Variants in RRP7A observed in about 807,000 individuals in gnomAD.
RRP7A encodes ribosomal RNA-processing protein 7 homolog A.
In RRP7A, 27 loss-of-function variants were observed where a neutral mutation model predicts 38.4. That is an observed-to-expected ratio of 0.70 (90% CI 0.52 to 0.97). The LOEUF (loss-of-function observed/expected upper bound fraction) is 0.97, where lower values mean the gene tolerates loss of function less well. Among genes scored for constraint, RRP7A ranks in the 50% least tolerant of loss-of-function variants. The probability of loss-of-function intolerance (pLI) is 0.00; values close to 1 mark genes in which losing one functional copy is unlikely to be tolerated. For synonymous variants in RRP7A, 124 were observed against 150.3 expected (o/e 0.83, Z 1.28); for missense variants, 327 against 375.4 (o/e 0.87, Z 1.07).
rs1932477852 is a variant in RRP7A at position 42,511,945 on chromosome 22, G to T, written c.*965C>A. On this transcript the variant is annotated 3_prime_UTR_variant, in exon 7 of 7. Transcript: ENST00000323013. ...TCCCTAAGGTTAGACATCTCCTGGG[G>T]TGCTATGGACTGTCGGGGCTCCAAG... 1 of 682,832 alleles carries T rather than the reference G, an allele frequency of 1.5e-6. No homozygotes were observed. Among genetic ancestry groups the T allele is most frequent in the South Asian group, 1.7e-5 (1 of 57,908 alleles). The allele number at this position is 682,832 out of a possible 1,614,324, so 42.3% of individuals were successfully genotyped here. A position where few individuals can be genotyped will look rare whatever the true frequency, so the allele number is the denominator to read the frequency against.
rs1287797673 is a variant in RRP7A at position 42,509,118 on chromosome 22, T to C, written c.*3792A>G. ...CCATGTCCTGTTGATCAAGTGAGTC[T>C]GGACCCATCCCCTTCAGTCACCCCC... On this transcript the variant is annotated 3_prime_UTR_variant, in exon 7 of 7. Coordinates refer to ENST00000323013, the MANE Select transcript of RRP7A (RefSeq NM_015703.5). The C allele has an allele frequency of 6.2e-7, 1 of 1,614,034 alleles. No homozygotes were observed. The highest frequency in any genetic ancestry group is 1.3e-5 in the African/African-American group (1 of 74,932).
chr22:42,509,316 ATGGGCCGGGGC>A lies in RRP7A; in HGVS notation c.*3583_*3593del, dbSNP rs1361256092. On this transcript the variant is annotated 3_prime_UTR_variant, in exon 7 of 7. Transcript: ENST00000323013. ...GAGGGGAGGGCTCAGGCAGCAGGGG[ATGGGCCGGGGC>A]TGTCCCATGCCTTTCCACAGGTGTC... Among the ~76,000 whole-genome samples, 1 of 150,210 alleles carries A rather than the reference ATGGGCCGGGGC, an allele frequency of 6.7e-6. No individual in the cohort carries two copies. The highest frequency in any genetic ancestry group is 1.5e-5 in the Non-Finnish European group (1 of 67,170).
chr22:42,515,964 T>G, intron 3 of RRP7A, 47 bp downstream of exon 3: 3 of 1,548,382 alleles, frequency 1.9e-6, no homozygotes, highest in Non-Finnish European at 2.6e-6. Context: ...CTGGGGACAG[T>G]GCCCCACCCC....
In RRP7A at chr22:42,509,777, T is replaced by C. The variant is rs1257231332; in HGVS notation, c.*3133A>G. ...GGCTGCATTCACGTTCAAGTCCAAA[T>C]AGGACACACGGCAGAGACAAAGCCA... On this transcript the variant is annotated 3_prime_UTR_variant, in exon 7 of 7. Transcript: ENST00000323013. Among the ~76,000 whole-genome samples the C allele has an allele frequency of 8.7e-6, 1 of 115,340 alleles. No homozygotes were observed. The allele number at this position is 115,340 out of a possible 152,430, so 75.7% of individuals were successfully genotyped here. A position where few individuals can be genotyped will look rare whatever the true frequency, so the allele number is the denominator to read the frequency against.
chr22:42,511,295 G>C lies in RRP7A; in HGVS notation c.*1615C>G, dbSNP rs957868828. On this transcript the variant is annotated 3_prime_UTR_variant, in exon 7 of 7. Coordinates refer to ENST00000323013, the MANE Select transcript of RRP7A (RefSeq NM_015703.5). ...GGGTTCAAGCGACTCTCGTGCCTCA[G>C]CCTCCTGAGTAGCTGGGATTACAGG... The C allele has an allele frequency of 2.0e-5, 3 of 152,200 alleles. No individual in the cohort carries two copies. The highest frequency in any genetic ancestry group is 4.4e-5 in the Non-Finnish European group (3 of 68,178). The allele number at this position is 152,200 out of a possible 1,614,324, so 9.4% of individuals were successfully genotyped here.
chr22:42,516,691 G>C (rs1166511477), intron 2 of RRP7A, among the ~76,000 whole-genome samples: 6 of 152,240 alleles, frequency 3.9e-5, no homozygotes, highest in Non-Finnish European at 4.4e-5. Flanking sequence ...TTTACTACCT[G>C]AATCAGCAGT....
intron 1 of RRP7A, chr22:42,518,710 T>C (rs1381776905): frequency 6.4e-6 from 3 of 470,828 alleles, no homozygotes; most frequent in African/African-American, 6.0e-5. Flanking sequence ...CTTCACAGCT[T>C]CTCTTAACAG....
At chr22:42,519,303 G>A (rs535339409) in intron 1 of RRP7A, among the ~76,000 whole-genome samples, 44 of 151,438 alleles carry the variant, frequency 2.9e-4, no homozygotes, top group African/African-American at 8.0e-4. Flanking sequence ...ACAGAAGCAG[G>A]GGCAAGAGGA....
rs540218886 is a variant in RRP7A at position 42,511,254 on chromosome 22, G to A, written c.*1656C>T. Reference sequence around the variant, plus strand: ...TGCAGTGGGAAGATCTCAGCTTACTGTAACCTCCACCTCCCGGGTTCAAGC... The same window carrying A: ...TGCAGTGGGAAGATCTCAGCTTACTATAACCTCCACCTCCCGGGTTCAAGC... On this transcript the variant is annotated 3_prime_UTR_variant, in exon 7 of 7. Transcript: ENST00000323013. 1.3e-5 allele frequency: 2 copies of A among 151,572 alleles called. No individual in the cohort carries two copies. Among genetic ancestry groups the A allele is most frequent in the East Asian group, 1.9e-4 (1 of 5,152 alleles). 9.4% of individuals were successfully genotyped at this position (151,572 alleles called of 1,614,324 possible).
chr22:42,511,865 C>T lies in RRP7A; in HGVS notation c.*1045G>A. On this transcript the variant is annotated 3_prime_UTR_variant, in exon 7 of 7. Transcript: ENST00000323013. The stretch of plus-strand genomic sequence containing the variant: ...AACCCTGGCCTCGGCCCTGCCCTGT[C>T]CCTGCCATGCAACTTCACAACTCAG... 1.8e-6 allele frequency: 1 copy of T among 555,646 alleles called. No individual in the cohort carries two copies. Among genetic ancestry groups the T allele is most frequent in the Admixed American group, 3.2e-5 (1 of 31,566 alleles). The allele number at this position is 555,646 out of a possible 1,614,324, so 34.4% of individuals were successfully genotyped here. A position where few individuals can be genotyped will look rare whatever the true frequency, so the allele number is the denominator to read the frequency against.
intron 2 of RRP7A, among the ~76,000 whole-genome samples, chr22:42,516,736 T>G (rs886781138): frequency 9.2e-5 from 14 of 152,328 alleles, no homozygotes; most frequent in Non-Finnish European, 1.9e-4. Flanking sequence ...GGATGGTGGT[T>G]GTCTGTGGTG....
At position 42,508,914 on chromosome 22, in the gene RRP7A, T is replaced by G. The variant is rs538050496; in HGVS notation, c.*3996A>C. ...TGGGGTCCTGGGCTCAGACCCAGGG[T>G]GGGTGGCTAAGGTGCCCTCGCCAGG... On this transcript the variant is annotated 3_prime_UTR_variant, in exon 7 of 7. Transcript: ENST00000323013. 2.7e-4 allele frequency: 387 copies of G among 1,443,970 alleles called. 2 individuals are homozygous for G. In the East Asian group the frequency reaches 7.4e-3, roughly 28 times the overall value. The allele number at this position is 1,443,970 out of a possible 1,614,324, so 89.4% of individuals were successfully genotyped here.
rs1266090267 is a variant in RRP7A, at chr22:42,509,111, G to A, written c.*3799C>T. On this transcript the variant is annotated 3_prime_UTR_variant, in exon 7 of 7. Transcript: ENST00000323013. ...TGCAGGCCCATGTCCTGTTGATCAA[G>A]TGAGTCTGGACCCATCCCCTTCAGT... 9.3e-6 allele frequency: 15 copies of A among 1,614,048 alleles called. No individual in the cohort carries two copies. The highest frequency in any genetic ancestry group is 4.0e-5 in the African/African-American group (3 of 74,930).
In RRP7A at chr22:42,518,131, G is replaced by C. The variant is rs752282886; in HGVS notation, c.90C>G (p.Phe30Leu). The C allele has an allele frequency of 9.3e-6, 15 of 1,613,062 alleles. No homozygotes were observed. The highest frequency in any genetic ancestry group is 1.8e-4 in the Middle Eastern group (1 of 5,640). The change falls in exon 2 of 7, where the codon TTC (phenylalanine) becomes TTG (leucine). Residue 30 changes from phenylalanine to leucine, a missense_variant. Physicochemically the swap from Phe to Leu is conservative, Grantham distance 22. This residue lies in a region of RRP7A where 183 missense variants were observed against 141.8 expected (regional missense o/e 1.29). Transcript: ENST00000323013. ...AGTGAGAAGCCTGTTGCTTTTCAGAGAACTTGATTGGAATAGCTGGAAAGG... is the reference window on the plus strand; with the variant it reads ...AGTGAGAAGCCTGTTGCTTTTCAGACAACTTGATTGGAATAGCTGGAAAGG... Reference protein sequence around the residue: ...PLGYAAIPIKFSEKQQASHYL... With the variant: ...PLGYAAIPIKLSEKQQASHYL...
rs140866757 is a variant in RRP7A, at chr22:42,514,123, C to T, written c.740G>A (p.Arg247Gln). The T allele has an allele frequency of 1.1e-5, 17 of 1,612,884 alleles. No homozygotes were observed. The highest frequency in any genetic ancestry group is 7.7e-5 in the South Asian group (7 of 90,912). Residue 247 changes from arginine to glutamine, a missense_variant, in exon 6 of 7, where the codon CGA becomes CAA. By Grantham distance (43) the Arg-to-Gln change is conservative (BLOSUM62 1). Coordinates refer to ENST00000323013, the MANE Select transcript of RRP7A (RefSeq NM_015703.5). The part of the protein sequence containing the change: ...ELLNFYAWQH[R>Q]ESKMEHLAQL... ...TGGCTTACGCTCCATCTTGCTCTCT[C>T]GATGCTGCCAGGCGTAGAAGTTGAG...
chr22:42,512,865 C>T lies in RRP7A; in HGVS notation c.*45G>A. On this transcript the variant is annotated 3_prime_UTR_variant, in exon 7 of 7. Coordinates refer to ENST00000323013, the MANE Select transcript of RRP7A (RefSeq NM_015703.5). Reference sequence around the variant, plus strand: ...GACCGCTGCAGGCCCTGCCTCGCCTCCTCCTGGCCCTGCACCTCCAGCCAT... The same window carrying T: ...GACCGCTGCAGGCCCTGCCTCGCCTTCTCCTGGCCCTGCACCTCCAGCCAT... 6.3e-7 allele frequency: 1 copy of T among 1,589,748 alleles called. No individual in the cohort carries two copies. Among genetic ancestry groups the T allele is most frequent in the Admixed American group, 1.7e-5 (1 of 59,090 alleles).
rs1201108257 is a variant in RRP7A at position 42,510,625 on chromosome 22, T to G, written c.*2285A>C. On this transcript the variant is annotated 3_prime_UTR_variant, in exon 7 of 7. Transcript: ENST00000323013. ...CCCCAACAACCCCCAACTCCTCACT[T>G]TCCAGAGCAGTCCACGGATATTTTG... is the stretch of plus-strand genomic sequence containing the variant. 8.1e-7 allele frequency: 1 copy of G among 1,234,642 alleles called. No homozygotes were observed. The highest frequency in any genetic ancestry group is 1.5e-5 in the African/African-American group (1 of 65,368). The allele number at this position is 1,234,642 out of a possible 1,614,324, so 76.5% of individuals were successfully genotyped here. A position where few individuals can be genotyped will look rare whatever the true frequency, so the allele number is the denominator to read the frequency against.
Position 42,509,328 on chromosome 22 carries a change from T to C in RRP7A, c.*3582A>G, listed in dbSNP as rs1049943027. On this transcript the variant is annotated 3_prime_UTR_variant, in exon 7 of 7. Transcript: ENST00000323013. ...CAGGCAGCAGGGGATGGGCCGGGGC[T>C]GTCCCATGCCTTTCCACAGGTGTCA... 6.7e-6 allele frequency among the ~76,000 whole-genome samples: 1 copy of C among 149,844 alleles called. No homozygotes were observed. Among genetic ancestry groups the C allele is most frequent in the Non-Finnish European group, 1.5e-5 (1 of 66,972 alleles).
In RRP7A at chr22:42,508,953, A is replaced by G; in HGVS notation, c.*3957T>C. 1.2e-6 allele frequency: 2 copies of G among 1,604,324 alleles called. No homozygotes were observed. Among genetic ancestry groups the G allele is most frequent in the South Asian group, 2.2e-5 (2 of 90,480 alleles). On this transcript the variant is annotated 3_prime_UTR_variant, in exon 7 of 7. Transcript: ENST00000323013. The stretch of plus-strand genomic sequence containing the variant: ...GCCCTCGCCAGGGCTTAGCCACCCC[A>G]ACAGAGATGGGTTTCGTGCCCACGA...
Sources: allele counts gnomAD v4.1 joint callset (sites outside exome capture counted in the v4.1 genomes callset), GRCh38; gene constraint gnomAD v4.1.1; regional missense constraint gnomAD v4.1.1; transcripts MANE v1.5; gene names NCBI Gene and HGNC (gene_info 2026-07-23, HGNC 2026-07-21).